The following TTC28 variants were observed in gnomAD, a reference collection of about 807,000 sequenced individuals.
TTC28 encodes the protein tetratricopeptide repeat protein 28.
In TTC28, 61 loss-of-function variants were observed where a neutral mutation model predicts 198.0. The observed-to-expected ratio is 0.31, with a 90% CI of 0.25 to 0.38. TTC28 has a LOEUF of 0.38. TTC28 is among the 10% of genes least tolerant of loss of function. The probability of loss-of-function intolerance (pLI) is 1.00; values close to 1 mark genes in which losing one functional copy is unlikely to be tolerated. For missense variants in TTC28, 2,678 were observed against 3,164.0 expected (o/e 0.85, Z 3.69); for synonymous variants, 1,171 against 1,297.8 (o/e 0.90, Z 2.10).
In TTC28 at chr22:27,982,003, G is replaced by T; in HGVS notation, c.*218C>A. ...GTGTAGGAAATTCCATGAGCCTCCT[G>T]TACCAGCCCCACAGAAGTCCTGGCT... is the stretch of plus-strand genomic sequence containing the variant. On this transcript the variant is annotated 3_prime_UTR_variant, in exon 23 of 23. Transcript: ENST00000397906. The surrounding 1 kb of genome is among the most constrained non-coding windows in gnomAD (Gnocchi z 5.2). The T allele has an allele frequency of 2.1e-6, 1 of 470,174 alleles. No homozygotes were observed. Among genetic ancestry groups the T allele is most frequent in the Non-Finnish European group, 3.7e-6 (1 of 270,386 alleles). The allele number at this position is 470,174 out of a possible 1,614,324, so 29.1% of individuals were successfully genotyped here.
chr22:28,639,829 T>G (rs529666043), intron 1 of TTC28, among the ~76,000 whole-genome samples: 2 of 152,272 alleles, frequency 1.3e-5, no homozygotes, highest in East Asian at 3.9e-4. Context: ...ACATGTATTT[T>G]CAAAGCAAAC....
intron 15 of TTC28, 144 bp from the exon 16 acceptor site, chr22:27,999,404 T>C (rs1355597158): frequency 1.6e-6 from 2 of 1,249,272 alleles, no homozygotes; most frequent in Non-Finnish European, 2.2e-6. Context: ...CATTCACTCT[T>C]ATTTTTCAAC....
At chr22:28,383,775 T>G (rs776476071) in intron 2 of TTC28, among the ~76,000 whole-genome samples, 42 of 152,214 alleles carry the variant, frequency 2.8e-4, no homozygotes, top group African/African-American at 9.9e-4. Context: ...GGCCTCCCAA[T>G]TGGAATTGGC....
chr22:28,014,286 G>A lies in TTC28; in HGVS notation c.4180C>T (p.Arg1394Cys), dbSNP rs759462053. 7.7e-6 allele frequency: 12 copies of A among 1,551,536 alleles called. No individual in the cohort carries two copies. The highest frequency in any genetic ancestry group is 3.9e-5 in the Admixed American group (2 of 50,974). Residue 1394 changes from arginine to cysteine, a missense_variant, in exon 14 of 23, where the codon CGT (arginine) becomes TGT (cysteine). Physicochemically the swap from Arg to Cys is radical, Grantham distance 180 (BLOSUM62 -3). Around this residue, in one of 8 missense-constraint regions of TTC28, gnomAD observed 727 missense variants for 861.9 expected, o/e 0.84. Coordinates refer to ENST00000397906, the MANE Select transcript of TTC28 (RefSeq NM_001145418.2). ...RQSSFAKPPL[R>C]ALYDLLIAPM... ...GCGATGAGCAGGTCATACAGGGCACGGAGCGGGGGCTTGGCAAACGAGCTC... is the reference window on the plus strand; with the variant it reads ...GCGATGAGCAGGTCATACAGGGCACAGAGCGGGGGCTTGGCAAACGAGCTC...
At chr22:28,275,421 A>G (rs1388530327) in intron 5 of TTC28, among the ~76,000 whole-genome samples, 2 of 152,204 alleles carry the variant, frequency 1.3e-5, no homozygotes, top group African/African-American at 4.8e-5. Flanking sequence ...AGGATCTCAT[A>G]TGCAGTGAAG....
rs528909877 is a variant in TTC28, at chr22:28,260,293, A to AC, written c.933+35904dup. Among the ~76,000 whole-genome samples the AC allele has an allele frequency of 5.3e-5, 8 of 152,314 alleles. No individual in the cohort carries two copies. The South Asian group carries it at 1.5e-3, about 28-fold the overall frequency. On this transcript the variant is annotated intron_variant, in intron 5 of 22. Transcript: ENST00000397906. The stretch of plus-strand genomic sequence containing the variant: ...TTGCATTAAAGGGGACACATTTTGA[A>AC]CTAACTCCAAGATACTACTATATCC...
intron 2 of TTC28, among the ~76,000 whole-genome samples, chr22:28,495,886 C>T (rs567956617): frequency 8.1e-4 from 124 of 152,172 alleles, no homozygotes; most frequent in African/African-American, 2.8e-3. Context: ...ATCTCTTAAA[C>T]GCACACCAAA....
intron 12 of TTC28, among the ~76,000 whole-genome samples, chr22:28,058,273 CCA>C (rs1569112102): frequency 1.3e-5 from 2 of 152,068 alleles, no homozygotes; most frequent in African/African-American, 4.8e-5. Flanking sequence ...GGTCTGCAGA[CCA>C]CAGTCTCTGA....
intron 6 of TTC28, among the ~76,000 whole-genome samples, chr22:28,155,353 A>T (rs993604852): frequency 3.3e-5 from 5 of 152,192 alleles, no homozygotes; most frequent in Admixed American, 2.6e-4. Flanking sequence ...CCATACAAAT[A>T]TTTTTGTGTA....
At chr22:28,253,880 G>A (rs1019562902) in intron 5 of TTC28, among the ~76,000 whole-genome samples, 7 of 151,976 alleles carry the variant, frequency 4.6e-5, no homozygotes, top group Non-Finnish European at 8.8e-5. Flanking sequence ...CAAGGTGGGT[G>A]GATCACTTGA....
chr22:28,419,062 G>A (rs1344221610), intron 2 of TTC28, among the ~76,000 whole-genome samples: 1 of 152,036 alleles, frequency 6.6e-6, no homozygotes, highest in Non-Finnish European at 1.5e-5. Context: ...TTATTATAAT[G>A]ACCAGACAGT....
intron 12 of TTC28, among the ~76,000 whole-genome samples, chr22:28,088,904 C>T (rs1308003149): frequency 2.6e-5 from 4 of 152,150 alleles, no homozygotes; most frequent in East Asian, 3.9e-4. Flanking sequence ...CCAAAACACA[C>T]GTGAAAAAAT....
chr22:28,326,813 T>A (rs1021548700), intron 2 of TTC28, among the ~76,000 whole-genome samples: 1 of 152,146 alleles, frequency 6.6e-6, no homozygotes, highest in Non-Finnish European at 1.5e-5. Flanking sequence ...TTCTCCAAAC[T>A]GAGTCAAACT....
intron 2 of TTC28, among the ~76,000 whole-genome samples, chr22:28,437,790 GC>G (rs2146216716): frequency 6.6e-6 from 1 of 152,186 alleles, no homozygotes; most frequent in South Asian, 2.1e-4. Context: ...ATGAGGTTTT[GC>G]CATGTTCCCT....
intron 1 of TTC28, among the ~76,000 whole-genome samples, chr22:28,643,899 A>C (rs989851945): frequency 6.6e-6 from 1 of 152,208 alleles, no homozygotes; most frequent in East Asian, 1.9e-4. Context: ...ACAAAACTCT[A>C]TAAGATAGGT....
intron 2 of TTC28, among the ~76,000 whole-genome samples, chr22:28,524,045 G>A (rs546386247): frequency 6.6e-6 from 1 of 152,194 alleles, no homozygotes; most frequent in East Asian, 1.9e-4. Context: ...CCTGGAGGAG[G>A]AAGACTGTGA....
chr22:27,995,211 C>T (rs1460668871), intron 17 of TTC28, among the ~76,000 whole-genome samples: 1 of 152,272 alleles, frequency 6.6e-6, no homozygotes, highest in East Asian at 1.9e-4. Context: ...ATCGACGCTG[C>T]CCCCGGTCCT....
chr22:28,030,170 C>G, intron 13 of TTC28, 56 bp downstream of exon 13: 1 of 1,540,708 alleles, frequency 6.5e-7, no homozygotes, highest in Admixed American at 2.0e-5. Context: ...AGCATATTAT[C>G]TGTGCTCAGA....
At chr22:28,205,732 G>A (rs1423754658) in intron 5 of TTC28, among the ~76,000 whole-genome samples, 1 of 151,960 alleles carries the variant, frequency 6.6e-6, no homozygotes, top group Non-Finnish European at 1.5e-5. Flanking sequence ...CTCAGATAGG[G>A]GAAGGAGCCC....
Sources: gnomAD v4.1 joint callset for allele counts (sites outside exome capture counted in the v4.1 genomes callset) on GRCh38, gnomAD v4.1.1 for gene constraint, gnomAD v4.1.1 regional missense constraint, Gnocchi (gnomAD v3.1) non-coding constraint, MANE v1.5 for transcripts, NCBI Gene and HGNC (gene_info 2026-07-23, HGNC 2026-07-21) for gene names.